Variants in DST observed in about 807,000 individuals in gnomAD.
The protein encoded by DST is bullous pemphigoid antigen.
In DST, 253 loss-of-function variants were observed where a neutral mutation model predicts 875.2. That is an observed-to-expected ratio of 0.29 (90% confidence interval 0.26 to 0.32). The LOEUF (loss-of-function observed/expected upper bound fraction) is 0.32, where lower values mean the gene tolerates loss of function less well. DST is among the 10% of genes least tolerant of loss of function. DST has a pLI of 1.00. For synonymous variants in DST, 3,124 were observed against 3,197.1 expected, an observed-to-expected ratio of 0.98 and a Z score of 0.77; for missense variants, 8,287 against 9,111.6, an observed-to-expected ratio of 0.91 and a Z score of 3.68.
chr6:56,908,535 C>T (rs1035586013), intron 2 of DST, among the ~76,000 whole-genome samples: 2 of 152,144 alleles, frequency 1.3e-5, no homozygotes, highest in African/African-American at 4.8e-5. Context: ...ACTATTTATA[C>T]TTGTTACTTC....
chr6:56,562,220 A>T lies in DST; in HGVS notation c.14006-20T>A, dbSNP rs771840849. On this transcript the variant is annotated intron_variant, in intron 55 of 103. Transcript: ENST00000680361. The stretch of plus-strand genomic sequence containing the variant: ...CTCCACCTGCAAAAATAGTAACACT[A>T]AAATAATCACAGTTTCATAGTATTT... 1 of 1,499,568 alleles carries T rather than the reference A, an allele frequency of 6.7e-7. No homozygotes were observed. The highest frequency in any genetic ancestry group is 2.5e-5 in the East Asian group (1 of 40,044). The allele number at this position is 1,499,568 out of a possible 1,614,324, so 92.9% of individuals were successfully genotyped here.
intron 4 of DST, among the ~76,000 whole-genome samples, chr6:56,796,115 C>T (rs1293291827): frequency 2.6e-5 from 4 of 152,282 alleles, no homozygotes; most frequent in Non-Finnish European, 5.9e-5. Flanking sequence ...AACAGAACAG[C>T]TCACAAGGTT....
At chr6:56,896,027 C>CGGGAGA (rs1791045039) in intron 3 of DST, among the ~76,000 whole-genome samples, 1 of 41,082 alleles carries the variant, frequency 2.4e-5, no homozygotes, top group African/African-American at 2.0e-4. Context: ...GAGAGGGAGA[C>CGGGAGA]GGGAGAGGGA....
At chr6:56,758,096 G>A (rs1191189845) in intron 4 of DST, among the ~76,000 whole-genome samples, 4 of 152,172 alleles carry the variant, frequency 2.6e-5, no homozygotes, top group African/African-American at 9.6e-5. Context: ...TACAACTGTA[G>A]CAGAAACTTT....
Position 56,851,530 on chromosome 6 carries a change from C to T in DST, c.492G>A (p.Gln164=). 6.2e-7 allele frequency: 1 copy of T among 1,614,066 alleles called. No homozygotes were observed. The highest frequency in any genetic ancestry group is 8.5e-7 in the Non-Finnish European group (1 of 1,179,900). Residue 164 remains glutamine (Q), a synonymous_variant, in exon 4 of 104, where the codon CAG becomes CAA. Transcript: ENST00000680361. ...ADFSDEDDFS[Q]KSGSASPAPG... Reference sequence around the variant, plus strand: ...GAGCTGGGGATGCGGAGCCAGATTTCTGGCTGAAATCATCCTCATCGGAAA... The same window carrying T: ...GAGCTGGGGATGCGGAGCCAGATTTTTGGCTGAAATCATCCTCATCGGAAA...
chr6:56,598,755 A>G (rs1306755130), intron 45 of DST, 46 bp from the exon 46 acceptor site: 2 of 1,182,764 alleles, frequency 1.7e-6, no homozygotes, highest in Non-Finnish European at 2.3e-6. Flanking sequence ...ATTATTACCT[A>G]TTTAGTTCTT....
At chr6:56,901,645 CTGTG>C (rs58072124) in intron 2 of DST, among the ~76,000 whole-genome samples, 2 of 151,014 alleles carry the variant, frequency 1.3e-5, no homozygotes, top group African/African-American at 4.9e-5. Context: ...GTGTGTGTAT[CTGTG>C]TGTGTGTGTT....
intron 4 of DST, among the ~76,000 whole-genome samples, chr6:56,791,176 G>T (rs189396527): frequency 1.1e-3 from 174 of 152,208 alleles, no homozygotes; most frequent in African/African-American, 4.0e-3. Flanking sequence ...TCTGTACTTT[G>T]AATCCAAATA....
intron 3 of DST, among the ~76,000 whole-genome samples, chr6:56,862,133 C>T (rs1038400065): frequency 2.0e-5 from 3 of 152,102 alleles, no homozygotes; most frequent in African/African-American, 7.2e-5. Flanking sequence ...AGAAAGAAAG[C>T]TCTGCCACAA....
At chr6:56,471,458 T>C (rs994772276) in intron 94 of DST, among the ~76,000 whole-genome samples, 190 bp from the exon 95 acceptor site, 1 of 152,216 alleles carries the variant, frequency 6.6e-6, no homozygotes, top group African/African-American at 2.4e-5. Context: ...CTGTCACTGA[T>C]TTTTCTTTAC....
At chr6:56,730,608 C>T (rs1001262803) in intron 5 of DST, among the ~76,000 whole-genome samples, 3 of 152,066 alleles carry the variant, frequency 2.0e-5, no homozygotes, top group Admixed American at 6.5e-5. Flanking sequence ...GAACAATTCT[C>T]CAGGTAAAAT....
At chr6:56,761,525 AC>A (rs1379898829) in intron 4 of DST, among the ~76,000 whole-genome samples, 2 of 152,192 alleles carry the variant, frequency 1.3e-5, no homozygotes, top group African/African-American at 4.8e-5. Context: ...TTTACTAAAC[AC>A]CACAAATGTT....
chr6:56,928,786 A>G (rs1808566655), intron 2 of DST, among the ~76,000 whole-genome samples: 2 of 152,142 alleles, frequency 1.3e-5, no homozygotes, highest in African/African-American at 4.8e-5. Flanking sequence ...CAGAAACTAC[A>G]AACGGAAGAC....
chr6:56,551,663 A>G (rs930460513), intron 61 of DST, among the ~76,000 whole-genome samples: 1 of 152,212 alleles, frequency 6.6e-6, no homozygotes, highest in Admixed American at 6.5e-5. Flanking sequence ...GCATGAGCCT[A>G]AGACCTTTGT....
chr6:56,618,470 T>A, intron 36 of DST: 1 of 1,614,232 alleles, frequency 6.2e-7, no homozygotes, highest in Non-Finnish European at 8.5e-7. Context: ...ATGTTCATGC[T>A]CTTTGATCTG....
At chr6:56,844,295 C>A (rs1447485613) in intron 4 of DST, among the ~76,000 whole-genome samples, 1 of 152,142 alleles carries the variant, frequency 6.6e-6, no homozygotes, top group Non-Finnish European at 1.5e-5. Context: ...GCGAGGCTGC[C>A]GAGTACCAGC....
At chr6:56,471,735 T>C (rs2094905910) in intron 94 of DST, 1 of 398,682 alleles carries the variant, frequency 2.5e-6, no homozygotes, top group African/African-American at 2.0e-5. Flanking sequence ...ATCTGAAATA[T>C]AAAAGATTAT....
intron 55 of DST, among the ~76,000 whole-genome samples, chr6:56,565,782 C>T (rs1362497817): frequency 3.3e-5 from 5 of 152,182 alleles, no homozygotes; most frequent in African/African-American, 1.2e-4. Flanking sequence ...TTTAAGTCTG[C>T]TGAAGCTGCT....
intron 3 of DST, among the ~76,000 whole-genome samples, chr6:56,873,098 T>C (rs1778113975): frequency 1.3e-5 from 2 of 152,214 alleles, no homozygotes; most frequent in Non-Finnish European, 2.9e-5. Context: ...CAATTAGTGA[T>C]GTTGAGCATC....
Sources: gnomAD v4.1 joint callset for allele counts (sites outside exome capture counted in the v4.1 genomes callset) on GRCh38, gnomAD v4.1.1 for gene constraint, MANE v1.5 for transcripts, NCBI Gene and HGNC (gene_info 2026-07-23, HGNC 2026-07-21) for gene names.